The following SLC30A9 variants were observed in gnomAD, a reference collection of about 807,000 sequenced individuals.
The protein encoded by SLC30A9 is solute carrier family 30 member 9.
In SLC30A9, 58 loss-of-function variants were observed where a neutral mutation model predicts 87.5. That is an observed-to-expected ratio of 0.66 (90% confidence interval 0.54 to 0.82). The LOEUF is 0.82. SLC30A9 is among the 40% of genes least tolerant of loss of function. The probability of loss-of-function intolerance (pLI) is 0.00; values close to 1 mark genes in which losing one functional copy is unlikely to be tolerated. For synonymous variants in SLC30A9, 234 were observed against 233.0 expected (o/e 1.00, Z -0.04); for missense variants, 557 against 679.1 (o/e 0.82, Z 2.00).
intron 2 of SLC30A9, among the ~76,000 whole-genome samples, chr4:42,004,025 A>G (rs1715092597): frequency 6.6e-6 from 1 of 152,140 alleles, no homozygotes; most frequent in African/African-American, 2.4e-5. Flanking sequence ...ATTTATTCAG[A>G]ATCTTTGTTA....
chr4:42,073,120 C>T (rs10013921), intron 15 of SLC30A9, among the ~76,000 whole-genome samples: 91,589 of 152,052 alleles, frequency 0.6, 32,959 homozygotes, highest in East Asian at 0.95. Flanking sequence ...GTGATCCACC[C>T]GCCTCGGTCT....
At chr4:42,042,344 G>A (rs993598376) in intron 8 of SLC30A9, among the ~76,000 whole-genome samples, 1 of 152,176 alleles carries the variant, frequency 6.6e-6, no homozygotes, top group South Asian at 2.1e-4. Flanking sequence ...GCTGTCTGAA[G>A]TTGACATGGG....
chr4:42,075,997 C>T (rs1039805650), intron 16 of SLC30A9, among the ~76,000 whole-genome samples: 2 of 152,070 alleles, frequency 1.3e-5, no homozygotes, highest in Non-Finnish European at 1.5e-5. Context: ...TTGCTATGTG[C>T]ATTTAATCTT....
intron 9 of SLC30A9, among the ~76,000 whole-genome samples, chr4:42,058,310 T>C (rs1475961352): frequency 1.3e-5 from 2 of 152,132 alleles, no homozygotes; most frequent in Admixed American, 1.3e-4. Flanking sequence ...TTCCAACAAG[T>C]TCCTCATTTC....
intron 8 of SLC30A9, among the ~76,000 whole-genome samples, chr4:42,044,963 T>A (rs1448811368): frequency 6.6e-6 from 1 of 152,204 alleles, no homozygotes; most frequent in African/African-American, 2.4e-5. Context: ...GAGTGACTAC[T>A]GGGTAAATAA....
At chr4:42,070,293 G>A (rs1474711241) in intron 14 of SLC30A9, 1 of 394,786 alleles carries the variant, frequency 2.5e-6, no homozygotes. Context: ...GTAATGACAG[G>A]TACAAGTAAG....
intron 9 of SLC30A9, among the ~76,000 whole-genome samples, chr4:42,050,643 C>G (rs1717347593): frequency 6.6e-6 from 1 of 152,198 alleles, no homozygotes; most frequent in Non-Finnish European, 1.5e-5. Context: ...TTGCAAAATA[C>G]TATGTTCAGA....
chr4:42,011,373 G>A (rs1241448837), intron 2 of SLC30A9, among the ~76,000 whole-genome samples: 1 of 152,128 alleles, frequency 6.6e-6, no homozygotes, highest in Non-Finnish European at 1.5e-5. Flanking sequence ...GGGGATTATG[G>A]GGATTATAAT....
chr4:42,085,676 G>A (rs1179398920), intron 17 of SLC30A9, among the ~76,000 whole-genome samples: 1 of 152,150 alleles, frequency 6.6e-6, no homozygotes, highest in African/African-American at 2.4e-5. Context: ...TTCTAGCACA[G>A]GGCCCGGCCC....
rs373609214 is a variant in SLC30A9, at chr4:42,016,823, A to G, written c.275-1288A>G. ...TATCTATCTATCTATCTATCTATCTATCTATCTGTTCTCTTGCTAATGGGC... is the reference window on the plus strand; with the variant it reads ...TATCTATCTATCTATCTATCTATCTGTCTATCTGTTCTCTTGCTAATGGGC... On this transcript the variant is annotated intron_variant, in intron 2 of 17. Coordinates refer to ENST00000264451, the MANE Select transcript of SLC30A9 (RefSeq NM_006345.4). Among the ~76,000 whole-genome samples the G allele has an allele frequency of 6.0e-4, 55 of 91,030 alleles. No individual in the cohort carries two copies. In the East Asian group the frequency reaches 0.014, roughly 23 times the overall value. 59.7% of individuals were successfully genotyped at this position (91,030 alleles called of 152,430 possible).
chr4:42,038,821 G>T (rs549446897), intron 7 of SLC30A9, among the ~76,000 whole-genome samples, 165 bp from the exon 8 acceptor site: 2 of 152,210 alleles, frequency 1.3e-5, no homozygotes, highest in Admixed American at 1.3e-4. Flanking sequence ...TATGCTTTCG[G>T]TTTTAATCTT....
intron 14 of SLC30A9, among the ~76,000 whole-genome samples, chr4:42,068,466 C>T (rs2153140403): frequency 6.6e-6 from 1 of 152,114 alleles, no homozygotes; most frequent in Non-Finnish European, 1.5e-5. Flanking sequence ...TGATCTCAAA[C>T]TCCCGACCTC....
chr4:42,037,238 TC>T (rs1716713882), intron 7 of SLC30A9, among the ~76,000 whole-genome samples: 2 of 77,552 alleles, frequency 2.6e-5, no homozygotes, highest in African/African-American at 8.3e-5. Flanking sequence ...TTAAATGCCT[TC>T]TTTTTTTTTT....
chr4:42,023,750 G>A (rs1298266312), intron 6 of SLC30A9, among the ~76,000 whole-genome samples: 1 of 152,114 alleles, frequency 6.6e-6, no homozygotes, highest in East Asian at 1.9e-4. Flanking sequence ...CCCAAGACTG[G>A]GTAGTTTATA....
intron 3 of SLC30A9, among the ~76,000 whole-genome samples, chr4:42,019,805 A>AT (rs969334233): frequency 4.6e-5 from 7 of 151,464 alleles, no homozygotes; most frequent in African/African-American, 1.5e-4. Context: ...TTTATTTATT[A>AT]TTTTTTTTGG....
At position 42,070,560 on chromosome 4, in the gene SLC30A9, T is replaced by A; in HGVS notation, c.1287T>A (p.Gly429=). Residue 429 remains glycine (G), a synonymous_variant, in exon 15 of 18, where the codon GGT becomes GGA. Coordinates refer to ENST00000264451, the MANE Select transcript of SLC30A9 (RefSeq NM_006345.4). The part of the protein sequence containing the change: ...NPLYDSLGSL[G]VGTLLGMVSA... ...TGTATGACAGCCTAGGTTCTTTGGG[T>A]GTGGGCACCTTATTAGGCATGGTCT... 6.2e-7 allele frequency: 1 copy of A among 1,613,912 alleles called. No homozygotes were observed. The highest frequency in any genetic ancestry group is 8.5e-7 in the Non-Finnish European group (1 of 1,179,866).
chr4:42,074,972 G>A lies in SLC30A9; in HGVS notation c.1419-685G>A, dbSNP rs1195713590. On this transcript the variant is annotated intron_variant, in intron 15 of 17. Coordinates refer to ENST00000264451, the MANE Select transcript of SLC30A9 (RefSeq NM_006345.4). The stretch of plus-strand genomic sequence containing the variant: ...TGATAAGTAGATATATGGAGACAAA[G>A]GCTTATGAGATAACATGACATTTTA... Among the ~76,000 whole-genome samples the A allele has an allele frequency of 2.3e-5, 3 of 131,140 alleles. No individual in the cohort carries two copies. The Admixed American group carries it at 2.5e-4, about 11-fold the overall frequency. 86.0% of individuals were successfully genotyped at this position (131,140 alleles called of 152,430 possible).
intron 1 of SLC30A9, among the ~76,000 whole-genome samples, chr4:41,994,670 G>A (rs973060820): frequency 1.3e-5 from 2 of 151,160 alleles, no homozygotes; most frequent in African/African-American, 4.9e-5. Flanking sequence ...ATAACTAAGA[G>A]TATTGACAGT....
intron 1 of SLC30A9, among the ~76,000 whole-genome samples, chr4:41,997,251 A>G (rs1002444469): frequency 6.6e-6 from 1 of 151,860 alleles, no homozygotes; most frequent in Non-Finnish European, 1.5e-5. Flanking sequence ...CATCCAGGTC[A>G]CACTTTTGCT....
Sources: allele counts gnomAD v4.1 joint callset (sites outside exome capture counted in the v4.1 genomes callset), GRCh38; gene constraint gnomAD v4.1.1; transcripts MANE v1.5; gene names NCBI Gene and HGNC (gene_info 2026-07-23, HGNC 2026-07-21).